Variants in POLB observed in about 807,000 individuals in gnomAD.
POLB encodes the protein 5'-dRP lyase.
A neutral mutation model predicts 52.7 loss-of-function variants in POLB; 37 were observed. That is an observed-to-expected ratio of 0.70 (90% CI 0.54 to 0.92). The LOEUF (loss-of-function observed/expected upper bound fraction) is 0.92, where lower values mean the gene tolerates loss of function less well. Ranked by LOEUF, POLB falls within the 40% of genes least tolerant of loss-of-function variation. The pLI, the probability that POLB is intolerant of heterozygous loss-of-function variation, is 0.00. For synonymous variants in POLB, 138 were observed against 131.3 expected (o/e 1.05, Z -0.35); for missense variants, 313 against 400.8 (o/e 0.78, Z 1.87).
At chr8:42,362,579 T>A in intron 10 of POLB, 33 bp from the exon 11 acceptor site, 2 of 1,275,830 alleles carry the variant, frequency 1.6e-6, no homozygotes, top group Non-Finnish European at 2.3e-6. Context: ...AAGTAATTAC[T>A]CTTTTTCTTA....
chr8:42,345,289 G>T (rs188201499), intron 3 of POLB, among the ~76,000 whole-genome samples: 2 of 152,126 alleles, frequency 1.3e-5, no homozygotes, highest in Non-Finnish European at 2.9e-5. Context: ...ATGTACTCAC[G>T]TTGAATTTCA....
At chr8:42,343,346 ATATAT>A (rs1206893977) in intron 2 of POLB, among the ~76,000 whole-genome samples, 14 of 19,976 alleles carry the variant, frequency 7.0e-4, no homozygotes, top group African/African-American at 9.7e-4. Context: ...AAAAAAAAAA[ATATAT>A]ATATATATAT....
rs746217036 is a variant in POLB, at chr8:42,369,317, A to G, written c.755A>G (p.His252Arg). The G allele has an allele frequency of 3.0e-5, 47 of 1,586,276 alleles. No individual in the cohort carries two copies. Among genetic ancestry groups the G allele is most frequent in the Non-Finnish European group, 8.6e-7 (1 of 1,156,176 alleles). Residue 252 changes from histidine (H) to arginine (R), a missense_variant, in exon 12 of 14, where the codon CAC (histidine) becomes CGC (arginine). By Grantham distance (29) the His-to-Arg change is conservative (BLOSUM62 0). This residue lies in a region of POLB where 246 missense variants were observed against 297.6 expected (regional missense o/e 0.83). Coordinates refer to ENST00000265421, the MANE Select transcript of POLB (RefSeq NM_002690.3). ...AAAAATGATGAAAAAGAATATCCAC[A>G]CAGAAGAATTGATATCAGGTATTGT... ...PSKNDEKEYP[H>R]RRIDIRLIPK...
chr8:42,355,871 C>T (rs1440095776), intron 7 of POLB, among the ~76,000 whole-genome samples: 3 of 152,142 alleles, frequency 2.0e-5, no homozygotes, highest in African/African-American at 7.2e-5. Flanking sequence ...ATTTCATGCT[C>T]ACATTGTACA....
intron 11 of POLB, among the ~76,000 whole-genome samples, chr8:42,363,100 G>A (rs1050659425): frequency 1.3e-5 from 2 of 150,752 alleles, no homozygotes; most frequent in Admixed American, 6.6e-5. Context: ...TTCAGCCTGG[G>A]CCACAAGAGA....
intron 9 of POLB, among the ~76,000 whole-genome samples, chr8:42,358,877 A>T (rs1325379123): frequency 2.0e-5 from 3 of 152,120 alleles, no homozygotes; most frequent in Admixed American, 2.0e-4. Flanking sequence ...AATACCTAGG[A>T]CTTAAAAAAA....
chr8:42,349,237 A>C, intron 4 of POLB, 147 bp downstream of exon 4: 1 of 535,312 alleles, frequency 1.9e-6, no homozygotes, highest in Non-Finnish European at 3.4e-6. Context: ...TAACTTTTTG[A>C]ATGTTATTTC....
chr8:42,369,223 C>A, intron 11 of POLB, 48 bp from the exon 12 acceptor site: 2 of 1,098,680 alleles, frequency 1.8e-6, no homozygotes, highest in Non-Finnish European at 2.8e-6. Context: ...TAAAATTAAG[C>A]CTTAAGTTTA....
chr8:42,347,692 A>C (rs941182331), intron 3 of POLB, among the ~76,000 whole-genome samples: 24 of 152,270 alleles, frequency 1.6e-4, no homozygotes, highest in African/African-American at 5.8e-4. Flanking sequence ...CCTTTAAAAA[A>C]ATATTGTGAT....
chr8:42,357,122 A>AT, intron 7 of POLB, 47 bp from the exon 8 acceptor site: 2 of 994,340 alleles, frequency 2.0e-6, no homozygotes, highest in Non-Finnish European at 3.1e-6. Flanking sequence ...TTTTAAGGAG[A>AT]TTTAAATTTT....
At chr8:42,353,384 A>G (rs1489404050) in intron 6 of POLB, among the ~76,000 whole-genome samples, 1 of 151,940 alleles carries the variant, frequency 6.6e-6, no homozygotes, top group Non-Finnish European at 1.5e-5. Context: ...CTGGGATTAC[A>G]GGCGTGAGCC....
chr8:42,338,686 G>T lies in POLB; in HGVS notation c.61+1G>T. On this transcript the variant is annotated splice_donor_variant, in intron 1 of 13. Transcript: ENST00000265421. LOFTEE classifies it high-confidence loss of function. ...GGGGGAATCACCGACATGCTCACAG[G>T]TTAGCACCGGGCCGGGCCCCGCTGG... 1.2e-6 allele frequency: 2 copies of T among 1,613,938 alleles called. No individual in the cohort carries two copies. Among genetic ancestry groups the T allele is most frequent in the Non-Finnish European group, 1.7e-6 (2 of 1,179,768 alleles).
chr8:42,338,896 C>A, intron 1 of POLB, 116 bp from the exon 2 acceptor site: 1 of 1,030,228 alleles, frequency 9.7e-7, no homozygotes, highest in Non-Finnish European at 1.5e-6. Context: ...TGGTCTGGCC[C>A]TTGGAGGAAA....
chr8:42,369,157 C>T, intron 11 of POLB, 114 bp from the exon 12 acceptor site: 1 of 615,788 alleles, frequency 1.6e-6, no homozygotes, highest in South Asian at 2.1e-5. Context: ...TAAAAGTGCT[C>T]AGAATTCTAG....
Position 42,357,305 on chromosome 8 carries a change from T to C in POLB, c.478-15T>C. ...AGCCATTTTGGGAATACTGACTTAA[T>C]TTTTCTTCTATTAGGATATTGTACT... is the stretch of plus-strand genomic sequence containing the variant. On this transcript the variant is annotated splice_polypyrimidine_tract_variant and intron_variant, in intron 8 of 13. Coordinates refer to ENST00000265421, the MANE Select transcript of POLB (RefSeq NM_002690.3). 6.8e-7 allele frequency: 1 copy of C among 1,481,004 alleles called. No homozygotes were observed. Among genetic ancestry groups the C allele is most frequent in the Non-Finnish European group, 9.4e-7 (1 of 1,059,954 alleles). 91.7% of individuals were successfully genotyped at this position (1,481,004 alleles called of 1,614,324 possible). A position where few individuals can be genotyped will look rare whatever the true frequency, so the allele number is the denominator to read the frequency against.
chr8:42,352,675 CA>C, intron 6 of POLB, 107 bp downstream of exon 6: 1 of 732,262 alleles, frequency 1.4e-6, no homozygotes, highest in South Asian at 1.5e-5. Context: ...TCAGTAGATA[CA>C]AAAGATAAGA....
At chr8:42,362,804 T>TA (rs1285921063) in intron 11 of POLB, 106 bp downstream of exon 11, 2 of 662,966 alleles carry the variant, frequency 3.0e-6, no homozygotes, top group Non-Finnish European at 5.4e-6. Context: ...AGTCACCAAA[T>TA]AGAGTATCCA....
At position 42,338,526 on chromosome 8, in the gene POLB, C is replaced by T. The variant is rs955083334; in HGVS notation, c.-99C>T. ...CGCCGGTCGCGCCGGAGCTGGGTTG[C>T]TCCTGCTCCCGTCTCCAAGTCCTGG... On this transcript the variant is annotated 5_prime_UTR_variant, in exon 1 of 14. Coordinates refer to ENST00000265421, the MANE Select transcript of POLB (RefSeq NM_002690.3). The T allele has an allele frequency of 2.2e-5, 24 of 1,081,306 alleles. No individual in the cohort carries two copies. The African/African-American group carries it at 3.1e-4, about 14-fold the overall frequency. The allele number at this position is 1,081,306 out of a possible 1,614,324, so 67.0% of individuals were successfully genotyped here. A position where few individuals can be genotyped will look rare whatever the true frequency, so the allele number is the denominator to read the frequency against.
Position 42,346,871 on chromosome 8 carries a change from A to G in POLB, c.186+1852A>G, listed in dbSNP as rs80093166. On this transcript the variant is annotated intron_variant, in intron 3 of 13. Transcript: ENST00000265421. ...GGCTTTAAATCCTTGTGGCATAGACAGTTCTCAGCATCAGTATATCCTCCT... is the reference window on the plus strand; with the variant it reads ...GGCTTTAAATCCTTGTGGCATAGACGGTTCTCAGCATCAGTATATCCTCCT... 9.3e-3 allele frequency among the ~76,000 whole-genome samples: 1,419 copies of G among 152,306 alleles called. 8 individuals are homozygous for G. Among genetic ancestry groups the G allele is most frequent in the Middle Eastern group, 0.02 (6 of 294 alleles).
Sources: gnomAD v4.1 joint callset for allele counts (sites outside exome capture counted in the v4.1 genomes callset) on GRCh38, gnomAD v4.1.1 for gene constraint, gnomAD v4.1.1 regional missense constraint, MANE v1.5 for transcripts, NCBI Gene and HGNC (gene_info 2026-07-23, HGNC 2026-07-21) for gene names.